DNAH1: variants seen among roughly 807,000 people sequenced by gnomAD.
DNAH1 encodes axonemal beta dynein heavy chain 1.
Under a neutral mutation model 484.3 loss-of-function variants are expected in DNAH1, and 327 were observed. That is an observed-to-expected ratio of 0.68 (90% CI 0.62 to 0.74). The LOEUF (loss-of-function observed/expected upper bound fraction) is 0.74, where lower values mean the gene tolerates loss of function less well. Ranked by LOEUF, DNAH1 falls within the 30% of genes least tolerant of loss-of-function variation. The probability of loss-of-function intolerance (pLI) is 0.00; values close to 1 mark genes in which losing one functional copy is unlikely to be tolerated. For missense variants in DNAH1, 5,052 were observed against 5,546.8 expected (o/e 0.91, Z 2.83); for synonymous variants, 2,192 against 2,191.9 (o/e 1.00, Z 0.00).
In DNAH1 at chr3:52,361,152, T is replaced by C. The variant is rs1381709748; in HGVS notation, c.4686-12T>C. 1.3e-6 allele frequency: 2 copies of C among 1,571,788 alleles called. No homozygotes were observed. The highest frequency in any genetic ancestry group is 1.7e-6 in the Non-Finnish European group (2 of 1,160,522). On this transcript the variant is annotated splice_polypyrimidine_tract_variant and intron_variant, in intron 28 of 77. Coordinates refer to ENST00000420323, the MANE Select transcript of DNAH1 (RefSeq NM_015512.5). The surrounding 1 kb of genome is among the most constrained non-coding windows in gnomAD (Gnocchi z 5.6). ...ATGTGCGGCCCGAGCCCACCTCCTC[T>C]GTCTCCTGCAGGTGCTACCTGACAC...
At chr3:52,345,853 G>A (rs1321753690) in intron 10 of DNAH1, 147 bp downstream of exon 10, 2 of 852,302 alleles carry the variant, frequency 2.3e-6, no homozygotes, top group Non-Finnish European at 3.6e-6. Context: ...CCTGGCCTCA[G>A]CCTCTTCCTA....
At chr3:52,369,387 AAG>A (rs951299060) in intron 37 of DNAH1, among the ~76,000 whole-genome samples, 7 of 152,270 alleles carry the variant, frequency 4.6e-5, no homozygotes, top group African/African-American at 1.7e-4. Context: ...TTGTCAGAGA[AAG>A]AGGGATATGG....
intron 6 of DNAH1, among the ~76,000 whole-genome samples, chr3:52,329,825 GAA>G (rs71084181): frequency 2.4e-5 from 3 of 125,342 alleles, no homozygotes; most frequent in Admixed American, 8.2e-5. Flanking sequence ...ACTCCATCTG[GAA>G]AAAAAAAAAA....
chr3:52,332,186 C>T lies in DNAH1; in HGVS notation c.1078C>T (p.Gln360Ter). The part of the protein sequence containing the change: ...QVCQYWVPRI[Q>*]LLFCAEDPCM... ...CTGTCAGTACTGGGTGCCACGGATC[C>T]AGCTTCTCTTCTGCGCTGAGGACCC... The change falls in exon 8 of 78, where the codon CAG becomes TAG. Residue 360 changes from glutamine to a stop codon, truncating the protein, a stop_gained. Transcript: ENST00000420323. LOFTEE classifies it high-confidence loss of function. 1 of 1,594,166 alleles carries T rather than the reference C, an allele frequency of 6.3e-7. No individual in the cohort carries two copies. The highest frequency in any genetic ancestry group is 8.5e-7 in the Non-Finnish European group (1 of 1,169,982).
At chr3:52,352,149 A>C (rs1325797322) in intron 17 of DNAH1, 46 bp downstream of exon 17, 2 of 1,548,268 alleles carry the variant, frequency 1.3e-6, no homozygotes, top group Non-Finnish European at 1.7e-6. Flanking sequence ...CCCCCACCAC[A>C]CGCACGCACA....
chr3:52,393,624 A>G, intron 66 of DNAH1, 139 bp downstream of exon 66: 1 of 1,323,966 alleles, frequency 7.6e-7, no homozygotes, highest in Non-Finnish European at 1.0e-6. Context: ...TTCCTTGATT[A>G]AAAGCAGCCA....
chr3:52,357,907 C>T lies in DNAH1; in HGVS notation c.3990C>T (p.Phe1330=), dbSNP rs769455064. The change falls in exon 24 of 78, where the codon TTC becomes TTT. Residue 1330 remains phenylalanine, a synonymous_variant. Transcript: ENST00000420323. ...CCTGTTCCCCTGGCAGATTCTACTT[C>T]CTGTCAGATGATGAACTACTAGAGA... ...TKRSAFPRFY[F]LSDDELLEIL... 7 of 1,612,820 alleles carry T rather than the reference C, an allele frequency of 4.3e-6. No homozygotes were observed. In the South Asian group the frequency reaches 7.7e-5, roughly 18 times the overall value.
chr3:52,361,041 T>A lies in DNAH1; in HGVS notation c.4686-123T>A. ...CCAGTCCTGACCCCGGAGCCAGGGC[T>A]GGGCACACCCCAGCCCACCAAAAGG... On this transcript the variant is annotated intron_variant, in intron 28 of 77. Coordinates refer to ENST00000420323, the MANE Select transcript of DNAH1 (RefSeq NM_015512.5). This position sits in a 1 kb window ranked among gnomAD's most constrained non-coding sequence, Gnocchi z 5.6. 1 of 966,216 alleles carries A rather than the reference T, an allele frequency of 1.0e-6. No individual in the cohort carries two copies. Among genetic ancestry groups the A allele is most frequent in the South Asian group, 3.2e-5 (1 of 31,744 alleles). The allele number at this position is 966,216 out of a possible 1,614,324, so 59.9% of individuals were successfully genotyped here.
intron 5 of DNAH1, among the ~76,000 whole-genome samples, chr3:52,327,187 C>T (rs894222521): frequency 6.6e-6 from 1 of 152,012 alleles, no homozygotes; most frequent in Non-Finnish European, 1.5e-5. Flanking sequence ...CCCAGCTGGA[C>T]TGTGGAGTAT....
At chr3:52,374,806 A>G in intron 44 of DNAH1, 1 of 1,059,458 alleles carries the variant, frequency 9.4e-7, no homozygotes, top group Non-Finnish European at 1.5e-6. Context: ...AAAGCAGAGA[A>G]ACTAAAAGAG....
chr3:52,353,674 C>T lies in DNAH1; in HGVS notation c.3480+41C>T. On this transcript the variant is annotated intron_variant, in intron 20 of 77. Coordinates refer to ENST00000420323, the MANE Select transcript of DNAH1 (RefSeq NM_015512.5). This position sits in a 1 kb window ranked among gnomAD's most constrained non-coding sequence, Gnocchi z 5.0. ...CGGGCCCAGCCACTCCAGCCAGGCC[C>T]TGCCGGACAGCCTGACCTCCTGCTC... 6.4e-7 allele frequency: 1 copy of T among 1,555,778 alleles called. No homozygotes were observed. The highest frequency in any genetic ancestry group is 8.7e-7 in the Non-Finnish European group (1 of 1,152,044).
Position 52,398,132 on chromosome 3 carries a change from T to C in DNAH1, c.12059T>C (p.Met4020Thr). The C allele has an allele frequency of 6.2e-7, 1 of 1,613,408 alleles. No individual in the cohort carries two copies. The highest frequency in any genetic ancestry group is 8.5e-7 in the Non-Finnish European group (1 of 1,179,742). Residue 4020 changes from methionine (M) to threonine (T), a missense_variant, in exon 75 of 78, where the codon ATG (methionine) becomes ACG (threonine). Met to Thr is a moderately conservative substitution (Grantham distance 81). Around this residue, in one of 4 missense-constraint regions of DNAH1, gnomAD observed 853 missense variants for 899.0 expected, o/e 0.95. Transcript: ENST00000420323. ...TACCCAGTGCTGTATGAGGAATCAA[T>C]GAACACAGTACTAGTACAAGAGGTC... ...AKYPVLYEES[M>T]NTVLVQEVIR...
At chr3:52,400,189 C>A in intron 77 of DNAH1, 136 bp from the exon 78 acceptor site, 1 of 1,209,216 alleles carries the variant, frequency 8.3e-7, no homozygotes, top group Non-Finnish European at 1.2e-6. Flanking sequence ...CAGACCCCCT[C>A]ATCAGGTAGG....
chr3:52,327,925 G>C lies in DNAH1; in HGVS notation c.782G>C (p.Trp261Ser). The change falls in exon 6 of 78, where the codon TGG becomes TCG. Residue 261 changes from tryptophan (W) to serine (S), a missense_variant. Physicochemically the swap from Trp to Ser is radical, Grantham distance 177. Coordinates refer to ENST00000420323, the MANE Select transcript of DNAH1 (RefSeq NM_015512.5). ...EDFDCRTPRE[W>S]INMGLEPGSL... ...TTTGACTGCCGGACTCCCAGAGAGT[G>C]GATCAACATGGGCTTGGAGCCAGGG... The C allele has an allele frequency of 6.2e-7, 1 of 1,613,972 alleles. No individual in the cohort carries two copies. Among genetic ancestry groups the C allele is most frequent in the Non-Finnish European group, 8.5e-7 (1 of 1,179,834 alleles).
intron 25 of DNAH1, among the ~76,000 whole-genome samples, 189 bp from the exon 26 acceptor site, chr3:52,359,057 G>A (rs148147671): frequency 7.7e-4 from 117 of 152,310 alleles, no homozygotes; most frequent in African/African-American, 2.7e-3. Flanking sequence ...TGCAGAGTCA[G>A]TTCAGAGATA....
Position 52,383,374 on chromosome 3 carries a change from A to C in DNAH1, c.7942-12A>C. The C allele has an allele frequency of 1.2e-6, 2 of 1,612,194 alleles. No homozygotes were observed. The highest frequency in any genetic ancestry group is 1.7e-6 in the Non-Finnish European group (2 of 1,178,900). On this transcript the variant is annotated splice_polypyrimidine_tract_variant and intron_variant, in intron 50 of 77. Coordinates refer to ENST00000420323, the MANE Select transcript of DNAH1 (RefSeq NM_015512.5). ...CAGGGGCTTAGCTCCCCACTCCTTCACCCCTCCCCAGATCAAGAACGAATC... is the reference window on the plus strand; with the variant it reads ...CAGGGGCTTAGCTCCCCACTCCTTCCCCCCTCCCCAGATCAAGAACGAATC...
rs1488324581 is a variant in DNAH1 at position 52,390,829 on chromosome 3, G to A, written c.9622-106G>A. The A allele has an allele frequency of 4.0e-6, 6 of 1,495,104 alleles. No homozygotes were observed. In the African/African-American group the frequency reaches 8.3e-5, roughly 21 times the overall value. The allele number at this position is 1,495,104 out of a possible 1,614,324, so 92.6% of individuals were successfully genotyped here. A position where few individuals can be genotyped will look rare whatever the true frequency, so the allele number is the denominator to read the frequency against. ...CCAACCTCCAAGGGGATGCAGTAAG[G>A]AGAGGGAAGTCCATAGCCGAAACAC... On this transcript the variant is annotated intron_variant, in intron 60 of 77. Transcript: ENST00000420323.
chr3:52,352,857 T>A, intron 18 of DNAH1, 150 bp downstream of exon 18: 1 of 1,282,506 alleles, frequency 7.8e-7, no homozygotes, highest in East Asian at 2.5e-5. Flanking sequence ...GGCCCTCAGG[T>A]TGAGGAGGCC....
At chr3:52,374,774 T>A (rs1703510832) in intron 44 of DNAH1, 2 of 1,102,740 alleles carry the variant, frequency 1.8e-6, no homozygotes, top group Non-Finnish European at 2.8e-6. Flanking sequence ...AAAAGCTGTT[T>A]GATGACTGTA....
Sources: allele counts gnomAD v4.1 joint callset (sites outside exome capture counted in the v4.1 genomes callset), GRCh38; gene constraint gnomAD v4.1.1; regional missense constraint gnomAD v4.1.1; non-coding constraint Gnocchi (gnomAD v3.1); transcripts MANE v1.5; gene names NCBI Gene and HGNC (gene_info 2026-07-23, HGNC 2026-07-21).